COL22A1: variants seen among roughly 807,000 people sequenced by gnomAD.
COL22A1 encodes the protein collagen alpha-1(XXII) chain.
Under a neutral mutation model 248.9 loss-of-function variants are expected in COL22A1, and 221 were observed. The ratio of observed to expected loss-of-function variants is 0.89; its 90% confidence interval spans 0.80 to 0.99. COL22A1 has a LOEUF of 0.99. Ranked by LOEUF, COL22A1 falls within the 50% of genes least tolerant of loss-of-function variation. The probability of loss-of-function intolerance (pLI) is 0.00; values close to 1 mark genes in which losing one functional copy is unlikely to be tolerated. For missense variants in COL22A1, 2,240 were observed against 2,179.0 expected, an observed-to-expected ratio of 1.03 and a Z score of -0.56; for synonymous variants, 891 against 793.4, an observed-to-expected ratio of 1.12 and a Z score of -2.07.
intron 1 of COL22A1, among the ~76,000 whole-genome samples, chr8:138,883,447 C>A (rs544989834): frequency 6.6e-6 from 1 of 152,264 alleles, no homozygotes; most frequent in Non-Finnish European, 1.5e-5. Flanking sequence ...CGCCTGGATC[C>A]CCCCAGCCAT....
At position 138,821,268 on chromosome 8, in the gene COL22A1, G is replaced by T. The variant is rs1230888154; in HGVS notation, c.1113C>A (p.Ile371=). ...TGTGCAGGGAGACGTTCTGGGCCTGGATGCTCAGGGCCATCTTGTGCCAGT... is the reference window on the plus strand; with the variant it reads ...TGTGCAGGGAGACGTTCTGGGCCTGTATGCTCAGGGCCATCTTGTGCCAGT... ...DRDWHKMALS[I]QAQNVSLHID... Residue 371 remains isoleucine, a synonymous_variant, in exon 7 of 65, where the codon ATC becomes ATA. Coordinates refer to ENST00000303045, the MANE Select transcript of COL22A1 (RefSeq NM_152888.3). 1 of 1,614,212 alleles carries T rather than the reference G, an allele frequency of 6.2e-7. No individual in the cohort carries two copies. Among genetic ancestry groups the T allele is most frequent in the East Asian group, 2.2e-5 (1 of 44,882 alleles).
intron 35 of COL22A1, among the ~76,000 whole-genome samples, chr8:138,692,375 C>T (rs62527923): frequency 8.2e-6 from 1 of 122,324 alleles, no homozygotes; most frequent in Non-Finnish European, 1.7e-5. Context: ...TGTTTGTGGA[C>T]ATGTGTATTG....
chr8:138,613,951 A>G (rs1024705194), intron 55 of COL22A1, 31 bp from the exon 56 acceptor site: 1 of 1,563,482 alleles, frequency 6.4e-7, no homozygotes, highest in African/African-American at 1.4e-5. Context: ...TGGTGTCATC[A>G]TCAAGTCACT....
In COL22A1 at chr8:138,710,603, C is replaced by CTA. The variant is rs1262617199; in HGVS notation, c.2517+5077_2517+5078dup. On this transcript the variant is annotated intron_variant, in intron 30 of 64. Transcript: ENST00000303045. ...CAATGCCCATAATCTATCTATCTAT[C>CTA]TATCTATATATATATATCTCCATTT... Among the ~76,000 whole-genome samples the CTA allele has an allele frequency of 6.7e-3, 661 of 97,944 alleles. 1 individual carries two copies. Among genetic ancestry groups the CTA allele is most frequent in the Non-Finnish European group, 9.4e-3 (431 of 45,918 alleles). 64.3% of individuals were successfully genotyped at this position (97,944 alleles called of 152,430 possible).
intron 1 of COL22A1, among the ~76,000 whole-genome samples, chr8:138,889,208 C>A (rs1455906811): frequency 1.3e-5 from 2 of 150,678 alleles, no homozygotes; most frequent in Admixed American, 1.3e-4. Flanking sequence ...TAGGCCTCTT[C>A]TGGGCACTAA....
intron 10 of COL22A1, 74 bp from the exon 11 acceptor site, chr8:138,803,008 C>T (rs555749878): frequency 2.1e-5 from 25 of 1,179,568 alleles, no homozygotes; most frequent in Admixed American, 1.3e-4. Context: ...AGGACCCTCA[C>T]GGCCAACCTT....
intron 15 of COL22A1, 35 bp downstream of exon 15, chr8:138,778,318 G>C: frequency 6.2e-7 from 1 of 1,613,732 alleles, no homozygotes; most frequent in Non-Finnish European, 8.5e-7. Flanking sequence ...TGGAGAAGGG[G>C]TAGAACCCCT....
intron 8 of COL22A1, among the ~76,000 whole-genome samples, chr8:138,812,477 G>A (rs757589359): frequency 6.6e-5 from 10 of 152,286 alleles, no homozygotes; most frequent in Non-Finnish European, 1.3e-4. Flanking sequence ...GGCCTGAAAC[G>A]GGGCAGAGGC....
intron 7 of COL22A1, among the ~76,000 whole-genome samples, chr8:138,817,560 A>G (rs1818774820): frequency 1.3e-5 from 2 of 152,118 alleles, no homozygotes. Flanking sequence ...CTTCTACTAT[A>G]CTAGGGTGTT....
Position 138,913,074 on chromosome 8 carries a change from G to T in COL22A1, c.-73+545C>A, listed in dbSNP as rs571043971. Among the ~76,000 whole-genome samples, 7 of 75,132 alleles carry T rather than the reference G, an allele frequency of 9.3e-5. No homozygotes were observed. In the East Asian group the frequency reaches 1.8e-3, roughly 19 times the overall value. The allele number at this position is 75,132 out of a possible 152,430, so 49.3% of individuals were successfully genotyped here. A position where few individuals can be genotyped will look rare whatever the true frequency, so the allele number is the denominator to read the frequency against. On this transcript the variant is annotated intron_variant, in intron 1 of 64. Coordinates refer to ENST00000303045, the MANE Select transcript of COL22A1 (RefSeq NM_152888.3). ...CTCTGACCTAGAGAAGGCTGGGAGA[G>T]GGGGGATAAAATGCTCAAATAGAAA...
chr8:138,721,372 C>T (rs997697109), intron 26 of COL22A1, among the ~76,000 whole-genome samples: 5 of 152,128 alleles, frequency 3.3e-5, no homozygotes, highest in African/African-American at 1.2e-4. Context: ...TGTTCATTTG[C>T]TAAAATACTG....
intron 5 of COL22A1, among the ~76,000 whole-genome samples, chr8:138,830,574 A>G (rs1175549898): frequency 6.6e-6 from 1 of 152,236 alleles, no homozygotes; most frequent in Non-Finnish European, 1.5e-5. Flanking sequence ...CTCAGAGAAC[A>G]GGAAGGAGCC....
At chr8:138,901,368 T>TC (rs1324712559) in intron 1 of COL22A1, among the ~76,000 whole-genome samples, 17 of 134,538 alleles carry the variant, frequency 1.3e-4, no homozygotes, top group Non-Finnish European at 2.8e-4. Flanking sequence ...GTTTTTTTTT[T>TC]GTTTTTTTTT....
Position 138,811,812 on chromosome 8 carries a change from G to A in COL22A1, c.1436C>T (p.Pro479Leu). The A allele has an allele frequency of 1.2e-6, 2 of 1,612,200 alleles. No individual in the cohort carries two copies. The highest frequency in any genetic ancestry group is 1.7e-6 in the Non-Finnish European group (2 of 1,179,610). ...GFLKTINCSC[P>L]AGEKGEMGVA... ...TGCAGACAATACCTTCTCTCCAGCT[G>A]GGCAGGAGCAGTTGATGGTCTTCAA... Residue 479 changes from proline (P) to leucine (L), a missense_variant, in exon 9 of 65, where the codon CCA becomes CTA. Coordinates refer to ENST00000303045, the MANE Select transcript of COL22A1 (RefSeq NM_152888.3).
rs868575561 is a variant in COL22A1 at position 138,669,883 on chromosome 8, G to A, written c.3151-6143C>T. On this transcript the variant is annotated intron_variant, in intron 41 of 64. Coordinates refer to ENST00000303045, the MANE Select transcript of COL22A1 (RefSeq NM_152888.3). ...CTCCATCAACAGAAGAAACTCCTAA[G>A]ACTTTTTTTTTTTTTTTTTTTGAGA... is the stretch of plus-strand genomic sequence containing the variant. Among the ~76,000 whole-genome samples, 557 of 127,888 alleles carry A rather than the reference G, an allele frequency of 4.4e-3. 3 individuals are homozygous for A. Among genetic ancestry groups the A allele is most frequent in the Middle Eastern group, 0.013 (3 of 232 alleles). The allele number at this position is 127,888 out of a possible 152,430, so 83.9% of individuals were successfully genotyped here.
intron 22 of COL22A1, among the ~76,000 whole-genome samples, chr8:138,747,714 T>C (rs376064729): frequency 3.3e-5 from 5 of 152,322 alleles, no homozygotes; most frequent in Admixed American, 1.3e-4. Context: ...AGCTTCCTTC[T>C]TCCTGAACTA....
intron 1 of COL22A1, among the ~76,000 whole-genome samples, chr8:138,892,731 A>C (rs776435946): frequency 6.6e-6 from 1 of 152,212 alleles, no homozygotes; most frequent in African/African-American, 2.4e-5. Flanking sequence ...AGGGACCCAG[A>C]GGAGGGGGGA....
rs187310996 is a variant in COL22A1, at chr8:138,728,750, A to G, written c.2140-3310T>C. Among the ~76,000 whole-genome samples the G allele has an allele frequency of 3.1e-3, 479 of 152,210 alleles. 2 individuals are homozygous for G. Among genetic ancestry groups the G allele is most frequent in the Non-Finnish European group, 5.6e-3 (379 of 68,016 alleles). On this transcript the variant is annotated intron_variant, in intron 23 of 64. Coordinates refer to ENST00000303045, the MANE Select transcript of COL22A1 (RefSeq NM_152888.3). Reference sequence around the variant, plus strand: ...ACCCACTTTAGGTCACACAGCCATCATCTCTGGCTGCTGCAGATACACCTG... The same window carrying G: ...ACCCACTTTAGGTCACACAGCCATCGTCTCTGGCTGCTGCAGATACACCTG...
intron 3 of COL22A1, among the ~76,000 whole-genome samples, chr8:138,871,155 T>C (rs1373540473): frequency 1.3e-5 from 2 of 152,024 alleles, no homozygotes; most frequent in African/African-American, 4.8e-5. Flanking sequence ...CACCCAGACT[T>C]GCCAACAGCC....
Sources: gnomAD v4.1 joint callset for allele counts (sites outside exome capture counted in the v4.1 genomes callset) on GRCh38, gnomAD v4.1.1 for gene constraint, MANE v1.5 for transcripts, NCBI Gene and HGNC (gene_info 2026-07-23, HGNC 2026-07-21) for gene names.